Variants in RANBP2 observed in about 807,000 individuals in gnomAD.
RANBP2 encodes the protein RAN binding protein 2.
RANBP2 carries 57 observed loss-of-function variants against 303.6 expected under a neutral mutation model. The ratio of observed to expected loss-of-function variants is 0.19; its 90% CI spans 0.15 to 0.23. RANBP2 has a LOEUF of 0.23. RANBP2 is among the 10% of genes least tolerant of loss of function. The pLI is 1.00. For missense variants in RANBP2, 3,138 were observed against 3,780.8 expected, an observed-to-expected ratio of 0.83 and a Z score of 4.46; for synonymous variants, 1,167 against 1,301.5, an observed-to-expected ratio of 0.90 and a Z score of 2.23.
At chr2:108,866,736 A>T in the RANBP2 span, among the ~76,000 whole-genome samples, 1 of 152,120 alleles carries the variant, frequency 6.6e-6, no homozygotes, top group Non-Finnish European at 1.5e-5. Flanking sequence ...TACAAACATT[A>T]GCTGGACGCG....
the RANBP2 span, among the ~76,000 whole-genome samples, chr2:109,431,761 C>T: frequency 6.6e-6 from 1 of 152,008 alleles, no homozygotes; most frequent in African/African-American, 2.4e-5. Flanking sequence ...GTCCCAGCTG[C>T]TTAGGAGGCT....
At chr2:108,908,126 G>A in the RANBP2 span, 7 of 1,287,044 alleles carry the variant, frequency 5.4e-6, no homozygotes, top group Non-Finnish European at 7.4e-6. Context: ...ACAGTGGGGG[G>A]CAATGACTTG....
chr2:108,924,208 G>A, the RANBP2 span, among the ~76,000 whole-genome samples: 151 of 152,312 alleles, frequency 9.9e-4, no homozygotes, highest in Non-Finnish European at 1.1e-3. Flanking sequence ...TCAGCTCCCC[G>A]ATGTCACAGT....
At chr2:109,573,384 CCTTT>C in the RANBP2 span, among the ~76,000 whole-genome samples, 2 of 152,182 alleles carry the variant, frequency 1.3e-5, no homozygotes, top group Non-Finnish European at 2.9e-5. Context: ...TTTTTATGTT[CCTTT>C]AACAAATATG....
At chr2:109,133,445 A>G in the RANBP2 span, among the ~76,000 whole-genome samples, 4 of 152,222 alleles carry the variant, frequency 2.6e-5, no homozygotes, top group Non-Finnish European at 4.4e-5. Flanking sequence ...ATACACGTGT[A>G]TGATTCTTCC....
At chr2:108,984,716 T>A in the RANBP2 span, among the ~76,000 whole-genome samples, 1 of 152,180 alleles carries the variant, frequency 6.6e-6, no homozygotes, top group Non-Finnish European at 1.5e-5. Flanking sequence ...GCTGGATTTA[T>A]GCATTATAGC....
chr2:109,761,923 A>G, the RANBP2 span, among the ~76,000 whole-genome samples: 1 of 151,436 alleles, frequency 6.6e-6, no homozygotes, highest in African/African-American at 2.4e-5. Context: ...TGCAATGTAC[A>G]ATTTTAAAGC....
At chr2:108,747,953 T>C (rs1218348841) in intron 8 of RANBP2, among the ~76,000 whole-genome samples, 13 of 152,172 alleles carry the variant, frequency 8.5e-5, no homozygotes, top group South Asian at 2.1e-4. Context: ...AGCAGTTACT[T>C]CCCATTTTAC....
the RANBP2 span, among the ~76,000 whole-genome samples, chr2:108,900,036 A>G: frequency 7.9e-5 from 12 of 152,194 alleles, no homozygotes; most frequent in Non-Finnish European, 1.3e-4. Flanking sequence ...ATATGTGTCA[A>G]TGCAATGTCT....
Position 108,765,771 on chromosome 2 carries a change from T to G in RANBP2, c.5232T>G (p.Cys1744Trp), listed in dbSNP as rs151141387. 2 of 1,613,994 alleles carry G rather than the reference T, an allele frequency of 1.2e-6. No homozygotes were observed. The highest frequency in any genetic ancestry group is 2.7e-5 in the African/African-American group (2 of 74,908). ...GAAATGAAGCCAGTGCTACCAAATG[T>G]ATTGCTTGTCAGTGTCCAAGTAAAC... ...LVRNEASATKCIACQCPSKQN... is the reference protein window; with the variant it reads ...LVRNEASATKWIACQCPSKQN... Residue 1744 changes from cysteine (C) to tryptophan (W), a missense_variant, in exon 20 of 29, where the codon TGT becomes TGG. By Grantham distance (215) the Cys-to-Trp change is radical. Coordinates refer to ENST00000283195, the MANE Select transcript of RANBP2 (RefSeq NM_006267.5).
chr2:108,980,836 A>T, the RANBP2 span, among the ~76,000 whole-genome samples: 1 of 152,258 alleles, frequency 6.6e-6, no homozygotes, highest in East Asian at 1.9e-4. Context: ...ACCATACTCC[A>T]TGGGGGCTGG....
chr2:108,780,838 T>G (rs1244498997), intron 25 of RANBP2, among the ~76,000 whole-genome samples: 2 of 151,808 alleles, frequency 1.3e-5, no homozygotes, highest in African/African-American at 4.8e-5. Context: ...GCCTCCCGAG[T>G]AGCTGGGATT....
downstream of RANBP2, chr2:108,788,876 A>T (rs147437740): frequency 6.3e-5 from 102 of 1,614,102 alleles, no homozygotes; most frequent in African/African-American, 1.3e-3. Context: ...TACTCTGGAG[A>T]TAAAGTTGGT....
the RANBP2 span, among the ~76,000 whole-genome samples, chr2:108,881,889 A>G: frequency 1.3e-5 from 2 of 152,108 alleles, no homozygotes; most frequent in African/African-American, 4.8e-5. Context: ...CACTCTTGTA[A>G]CCCCAGCACT....
chr2:109,718,781 C>T, the RANBP2 span, among the ~76,000 whole-genome samples: 1 of 151,830 alleles, frequency 6.6e-6, no homozygotes, highest in African/African-American at 2.4e-5. Context: ...AGATCAAGAC[C>T]ATCCTGGCCA....
chr2:108,885,667 A>G, the RANBP2 span, among the ~76,000 whole-genome samples: 1 of 152,232 alleles, frequency 6.6e-6, no homozygotes, highest in Non-Finnish European at 1.5e-5. Flanking sequence ...TTTGTTAAGT[A>G]TAGTCACCCC....
At chr2:109,174,070 C>T in the RANBP2 span, among the ~76,000 whole-genome samples, 1 of 152,216 alleles carries the variant, frequency 6.6e-6, no homozygotes, top group Non-Finnish European at 1.5e-5. Flanking sequence ...CACAGTGTCC[C>T]CATAGCCTTC....
At chr2:109,156,325 G>C in the RANBP2 span, among the ~76,000 whole-genome samples, 5 of 152,316 alleles carry the variant, frequency 3.3e-5, no homozygotes, top group East Asian at 9.6e-4. Flanking sequence ...ATCTTCCCCT[G>C]CTGGGACTGT....
chr2:109,245,745 C>A, the RANBP2 span, among the ~76,000 whole-genome samples: 1 of 152,200 alleles, frequency 6.6e-6, no homozygotes, highest in Admixed American at 6.5e-5. Flanking sequence ...CATTCTAAGT[C>A]ATCATTTTTG....
Sources: allele counts gnomAD v4.1 joint callset (sites outside exome capture counted in the v4.1 genomes callset), GRCh38; gene constraint gnomAD v4.1.1; transcripts MANE v1.5; gene names NCBI Gene and HGNC (gene_info 2026-07-23, HGNC 2026-07-21).